The following DCDC1 variants were observed in gnomAD, a reference collection of about 807,000 sequenced individuals.
The protein encoded by DCDC1 is doublecortin domain-containing protein 1.
Under a neutral mutation model 178.3 loss-of-function variants are expected in DCDC1, and 200 were observed. That is an observed-to-expected ratio of 1.12 (90% CI 1.00 to 1.26). DCDC1 has a LOEUF of 1.26. Among genes scored for constraint, DCDC1 ranks in the 50% most tolerant of loss-of-function variants. The pLI, the probability that DCDC1 is intolerant of heterozygous loss-of-function variation, is 0.00. For missense variants in DCDC1, 1,983 were observed against 1,749.2 expected, an observed-to-expected ratio of 1.13 and a Z score of -2.38; for synonymous variants, 690 against 604.8, an observed-to-expected ratio of 1.14 and a Z score of -2.07.
intron 1 of DCDC1, among the ~76,000 whole-genome samples, chr11:31,354,122 C>T (rs908642322): frequency 6.6e-6 from 1 of 152,050 alleles, no homozygotes; most frequent in Non-Finnish European, 1.5e-5. Flanking sequence ...CCTGTCTCTA[C>T]TAAAAATACA....
At chr11:31,107,433 A>G (rs1056846385) in intron 12 of DCDC1, among the ~76,000 whole-genome samples, 1 of 152,186 alleles carries the variant, frequency 6.6e-6, no homozygotes, top group African/African-American at 2.4e-5. Flanking sequence ...AATGACTTTT[A>G]GCCTAAGTTG....
chr11:31,282,965 T>C (rs1329896421), intron 7 of DCDC1, among the ~76,000 whole-genome samples: 2 of 152,214 alleles, frequency 1.3e-5, no homozygotes, highest in Non-Finnish European at 2.9e-5. Flanking sequence ...CTTACATATG[T>C]ATCCCTGTAA....
chr11:31,251,248 A>C (rs902981667), intron 8 of DCDC1, among the ~76,000 whole-genome samples: 1 of 152,196 alleles, frequency 6.6e-6, no homozygotes, highest in African/African-American at 2.4e-5. Flanking sequence ...GGGTGCTATG[A>C]ATGTAACAGG....
chr11:31,206,725 G>A (rs1971913996), intron 9 of DCDC1, among the ~76,000 whole-genome samples: 1 of 152,044 alleles, frequency 6.6e-6, no homozygotes. Flanking sequence ...CAGGTCCATG[G>A]ATTTCTAAGG....
chr11:30,897,581 T>TGA (rs1269805659), intron 34 of DCDC1, among the ~76,000 whole-genome samples: 1 of 14,984 alleles, frequency 6.7e-5, no homozygotes, highest in Non-Finnish European at 1.7e-4. Flanking sequence ...AGACTCCGTC[T>TGA]CAAAAAAAAA....
At chr11:31,201,175 G>A (rs577358869) in intron 9 of DCDC1, among the ~76,000 whole-genome samples, 14 of 151,884 alleles carry the variant, frequency 9.2e-5, no homozygotes, top group East Asian at 3.9e-4. Context: ...GAATGAATGC[G>A]ACCTACTAGC....
chr11:31,107,710 T>C (rs528147995), intron 12 of DCDC1, among the ~76,000 whole-genome samples: 6 of 152,322 alleles, frequency 3.9e-5, no homozygotes, highest in Non-Finnish European at 8.8e-5. Context: ...GTGCTGCATA[T>C]GGTATTTGAA....
chr11:30,876,943 G>A (rs1449791245), intron 38 of DCDC1, among the ~76,000 whole-genome samples: 2 of 150,748 alleles, frequency 1.3e-5, no homozygotes, highest in Non-Finnish European at 3.0e-5. Context: ...AAAAAAAAAA[G>A]AAAAGGCAAA....
intron 21 of DCDC1, chr11:30,943,748 C>T (rs1947821154): frequency 5.0e-6 from 2 of 403,652 alleles, no homozygotes; most frequent in Non-Finnish European, 9.7e-6. Flanking sequence ...TTAAAAAATA[C>T]TGATATCCCT....
chr11:30,877,002 T>G (rs757150931), intron 38 of DCDC1, among the ~76,000 whole-genome samples: 1 of 152,074 alleles, frequency 6.6e-6, no homozygotes. Context: ...ACAGATGCAT[T>G]GGAATACCTT....
chr11:31,266,038 A>G (rs1565519071), intron 7 of DCDC1, among the ~76,000 whole-genome samples: 2 of 151,778 alleles, frequency 1.3e-5, no homozygotes, highest in Non-Finnish European at 2.9e-5. Context: ...ATGAGAGGAT[A>G]TTACCATTTA....
At chr11:30,986,534 T>C (rs1205259467) in intron 20 of DCDC1, among the ~76,000 whole-genome samples, 2 of 152,084 alleles carry the variant, frequency 1.3e-5, no homozygotes, top group Admixed American at 1.3e-4. Context: ...GGTTTCACCA[T>C]GTTGGTCAGG....
chr11:30,868,844 A>G (rs904356861), intron 38 of DCDC1, among the ~76,000 whole-genome samples: 2 of 152,254 alleles, frequency 1.3e-5, no homozygotes, highest in African/African-American at 4.8e-5. Context: ...AGTCACAGCA[A>G]TCTAACCTGG....
intron 3 of DCDC1, among the ~76,000 whole-genome samples, chr11:31,321,124 C>A (rs1246763136): frequency 6.9e-5 from 1 of 14,440 alleles, no homozygotes; most frequent in African/African-American, 3.2e-4. Context: ...CTGTGCCCTG[C>A]CCCCAGAGGT....
At chr11:31,174,479 A>G (rs1298661750) in intron 9 of DCDC1, among the ~76,000 whole-genome samples, 1 of 152,176 alleles carries the variant, frequency 6.6e-6, no homozygotes, top group Admixed American at 6.5e-5. Flanking sequence ...CCTCAGCATG[A>G]ACAGTATGGG....
intron 20 of DCDC1, among the ~76,000 whole-genome samples, chr11:30,960,065 T>C (rs900273689): frequency 6.6e-6 from 1 of 152,140 alleles, no homozygotes; most frequent in Non-Finnish European, 1.5e-5. Context: ...TAAATCTCTA[T>C]CTGATCATAC....
intron 21 of DCDC1, chr11:30,944,194 T>G: frequency 2.6e-6 from 1 of 387,372 alleles, no homozygotes; most frequent in Non-Finnish European, 5.1e-6. Flanking sequence ...GTTTCTTCTC[T>G]CTCCCTTCCT....
rs141910093 is a variant in DCDC1 at position 31,028,478 on chromosome 11, C to T, written c.2591+35991G>A. On this transcript the variant is annotated intron_variant, in intron 20 of 38. Transcript: ENST00000684477. Reference sequence around the variant, plus strand: ...GATGCCCTGTCCATCTTTTTTACTGCAATTTCACATTTGAATATAGTAATT... The same window carrying T: ...GATGCCCTGTCCATCTTTTTTACTGTAATTTCACATTTGAATATAGTAATT... Among the ~76,000 whole-genome samples, 1,370 of 152,002 alleles carry T rather than the reference C, an allele frequency of 9.0e-3. 32 individuals carry two copies. Among genetic ancestry groups the T allele is most frequent in the African/African-American group, 0.031 (1,289 of 41,530 alleles).
chr11:31,131,213 ATTAATG>A (rs1962394696), intron 10 of DCDC1, among the ~76,000 whole-genome samples: 1 of 151,514 alleles, frequency 6.6e-6, no homozygotes, highest in African/African-American at 2.4e-5. Context: ...AGAAAACAAA[ATTAATG>A]AAAAGAAAAA....
Sources: gnomAD v4.1 joint callset for allele counts (sites outside exome capture counted in the v4.1 genomes callset) on GRCh38, gnomAD v4.1.1 for gene constraint, MANE v1.5 for transcripts, NCBI Gene and HGNC (gene_info 2026-07-23, HGNC 2026-07-21) for gene names.